Variants in NRG2 observed in about 807,000 individuals in gnomAD.
The protein encoded by NRG2 is pro-neuregulin-2, membrane-bound isoform.
Under a neutral mutation model 73.9 loss-of-function variants are expected in NRG2, and 27 were observed. The observed-to-expected ratio is 0.37, with a 90% CI of 0.27 to 0.50. The LOEUF (loss-of-function observed/expected upper bound fraction) is 0.50, where lower values mean the gene tolerates loss of function less well. Among genes scored for constraint, NRG2 ranks in the 20% least tolerant of loss-of-function variants. The pLI, the probability that NRG2 is intolerant of heterozygous loss-of-function variation, is 0.96. For synonymous variants in NRG2, 532 were observed against 541.0 expected (o/e 0.98, Z 0.23); for missense variants, 1,126 against 1,210.1 (o/e 0.93, Z 1.03).
intron 1 of NRG2, among the ~76,000 whole-genome samples, chr5:140,015,730 T>C (rs1759715970): frequency 6.6e-6 from 1 of 152,164 alleles, no homozygotes; most frequent in Non-Finnish European, 1.5e-5. Flanking sequence ...AAGGGATGCC[T>C]CACTCAGGGA....
At chr5:140,016,476 C>G (rs1759789545) in intron 1 of NRG2, among the ~76,000 whole-genome samples, 1 of 152,218 alleles carries the variant, frequency 6.6e-6, no homozygotes, top group South Asian at 2.1e-4. Context: ...AGCTGTCATT[C>G]ATTCATAAAA....
In NRG2 at chr5:140,043,238, G is replaced by T; in HGVS notation, c.-169C>A. 1 of 657,116 alleles carries T rather than the reference G, an allele frequency of 1.5e-6. No individual in the cohort carries two copies. Among genetic ancestry groups the T allele is most frequent in the Non-Finnish European group, 2.5e-6 (1 of 405,480 alleles). 40.7% of individuals were successfully genotyped at this position (657,116 alleles called of 1,614,324 possible). ...GCAGGGGGCAGGCGGCAAGCGGGCC[G>T]CGATGCGCAGCGCGGCGCAGCGCAG... On this transcript the variant is annotated 5_prime_UTR_variant, in exon 1 of 10. Transcript: ENST00000361474. The surrounding 1 kb of genome is among the most constrained non-coding windows in gnomAD (Gnocchi z 6.7).
intron 3 of NRG2, among the ~76,000 whole-genome samples, chr5:139,876,152 G>A (rs1303420082): frequency 6.6e-6 from 1 of 152,200 alleles, no homozygotes; most frequent in Non-Finnish European, 1.5e-5. Flanking sequence ...AATGTGGTAT[G>A]TCTATACAGT....
At chr5:139,922,070 CAAAA>C (rs35988908) in intron 1 of NRG2, among the ~76,000 whole-genome samples, 1 of 77,200 alleles carries the variant, frequency 1.3e-5, no homozygotes. Context: ...GATTCTGTCT[CAAAA>C]AAAAAAAAAA....
chr5:139,977,524 T>G (rs1258090204), intron 1 of NRG2, among the ~76,000 whole-genome samples: 2 of 152,084 alleles, frequency 1.3e-5, no homozygotes, highest in Admixed American at 1.3e-4. Context: ...CTGCCCAAGG[T>G]AATTTATAGA....
At chr5:139,879,927 G>A (rs1763418216) in intron 3 of NRG2, among the ~76,000 whole-genome samples, 1 of 152,142 alleles carries the variant, frequency 6.6e-6, no homozygotes, top group Non-Finnish European at 1.5e-5. Context: ...TTTGTCTGAG[G>A]GTCATAGGGC....
Position 139,848,036 on chromosome 5 carries a change from G to C in NRG2, c.2434C>G (p.Leu812Val), listed in dbSNP as rs2126984784. The change falls in exon 10 of 10, where the codon CTG (leucine) becomes GTG (valine). Residue 812 changes from leucine (L) to valine (V), a missense_variant. By Grantham distance (32) the Leu-to-Val change is conservative. Transcript: ENST00000361474. The stretch of plus-strand genomic sequence containing the variant: ...GTCCTGCTGTCGGCCGCCGGGCACA[G>C]TGGCGGCGAGTCCGAGCGCAGCGCG... The part of the protein sequence containing the change: ...HDALRSDSPP[L>V]CPAADSRTYY... 3.3e-6 allele frequency: 5 copies of C among 1,508,630 alleles called. No homozygotes were observed. Among genetic ancestry groups the C allele is most frequent in the Non-Finnish European group, 4.4e-6 (5 of 1,134,204 alleles). The allele number at this position is 1,508,630 out of a possible 1,614,324, so 93.5% of individuals were successfully genotyped here.
chr5:139,901,257 C>T (rs1296537755), intron 1 of NRG2, among the ~76,000 whole-genome samples: 1 of 152,218 alleles, frequency 6.6e-6, no homozygotes, highest in African/African-American at 2.4e-5. Context: ...GCTTTGAGCT[C>T]TCAGGATGAA....
At chr5:139,898,531 C>G (rs960793960) in intron 1 of NRG2, among the ~76,000 whole-genome samples, 37 of 152,234 alleles carry the variant, frequency 2.4e-4, no homozygotes, top group African/African-American at 8.9e-4. Flanking sequence ...CAGGTCCAAA[C>G]CCCCAGAATC....
At position 140,018,402 on chromosome 5, in the gene NRG2, T is replaced by G. The variant is rs535019959; in HGVS notation, c.700+23968A>C. ...TAGCAGGGAAAAGCTGCCTCACCAC[T>G]CCTTCGTATGGTAACTTTAGAAGAG... On this transcript the variant is annotated intron_variant, in intron 1 of 9. Transcript: ENST00000361474. 3.3e-5 allele frequency among the ~76,000 whole-genome samples: 5 copies of G among 152,278 alleles called. No homozygotes were observed. The South Asian group carries it at 1.0e-3, about 32-fold the overall frequency.
intron 1 of NRG2, among the ~76,000 whole-genome samples, chr5:139,996,742 C>A (rs1486941759): frequency 6.6e-6 from 1 of 152,156 alleles, no homozygotes; most frequent in East Asian, 1.9e-4. Context: ...ACCGTAAGAC[C>A]CTTGAAGGCA....
chr5:139,958,742 A>C (rs978784267), intron 1 of NRG2, among the ~76,000 whole-genome samples: 4 of 152,128 alleles, frequency 2.6e-5, no homozygotes, highest in African/African-American at 4.8e-5. Context: ...GCTTAGCACA[A>C]TTTCCCACTA....
intron 1 of NRG2, among the ~76,000 whole-genome samples, chr5:139,912,513 A>G (rs1033495686): frequency 6.6e-6 from 1 of 152,126 alleles, no homozygotes; most frequent in African/African-American, 2.4e-5. Flanking sequence ...TGGTTATGGC[A>G]GGTCTCAGGG....
chr5:139,926,247 G>A (rs560276590), intron 1 of NRG2, among the ~76,000 whole-genome samples: 1 of 152,358 alleles, frequency 6.6e-6, no homozygotes, highest in Admixed American at 6.5e-5. Context: ...CATGGCATGG[G>A]CATGAGCCTC....
chr5:139,951,631 C>T (rs1754208665), intron 1 of NRG2, among the ~76,000 whole-genome samples: 1 of 152,236 alleles, frequency 6.6e-6, no homozygotes, highest in Non-Finnish European at 1.5e-5. Flanking sequence ...TCCCAAGTTC[C>T]CCAGAGATGC....
chr5:140,017,473 G>A (rs919937187), intron 1 of NRG2, among the ~76,000 whole-genome samples: 1 of 152,074 alleles, frequency 6.6e-6, no homozygotes, highest in Non-Finnish European at 1.5e-5. Context: ...AACAGAGAAT[G>A]GAAGAAAACC....
At chr5:139,958,746 C>G (rs1754829914) in intron 1 of NRG2, among the ~76,000 whole-genome samples, 1 of 152,312 alleles carries the variant, frequency 6.6e-6, no homozygotes, top group East Asian at 1.9e-4. Flanking sequence ...AGCACAATTT[C>G]CCACTATTTC....
intron 1 of NRG2, among the ~76,000 whole-genome samples, chr5:140,033,288 C>T (rs1394094664): frequency 6.6e-6 from 1 of 152,180 alleles, no homozygotes; most frequent in African/African-American, 2.4e-5. Context: ...TTTCCAGGGA[C>T]TTTCAGCAAC....
chr5:139,851,304 G>A lies in NRG2; in HGVS notation c.1772+300C>T, dbSNP rs1761400630. 6.6e-6 allele frequency among the ~76,000 whole-genome samples: 1 copy of A among 152,118 alleles called. No individual in the cohort carries two copies. On this transcript the variant is annotated intron_variant, in intron 9 of 9. Coordinates refer to ENST00000361474, the MANE Select transcript of NRG2 (RefSeq NM_004883.3). The surrounding 1 kb of genome is among the most constrained non-coding windows in gnomAD (Gnocchi z 4.2). ...GCCCGGCTGCCTGTTTGTTCTTGAT[G>A]TTCCAGTGTAACTATTAATAATGTC...
Sources: allele counts gnomAD v4.1 joint callset (sites outside exome capture counted in the v4.1 genomes callset), GRCh38; gene constraint gnomAD v4.1.1; non-coding constraint Gnocchi (gnomAD v3.1); transcripts MANE v1.5; gene names NCBI Gene and HGNC (gene_info 2026-07-23, HGNC 2026-07-21).